KCTD5: variants seen among roughly 807,000 people sequenced by gnomAD.
The protein encoded by KCTD5 is BTB/POZ domain-containing protein KCTD5.
A neutral mutation model predicts 27.9 loss-of-function variants in KCTD5; 12 were observed. That is an observed-to-expected ratio of 0.43 (90% CI 0.28 to 0.70). The LOEUF (loss-of-function observed/expected upper bound fraction) is 0.70. Ranked by LOEUF, KCTD5 falls within the 30% of genes least tolerant of loss-of-function variation. The probability of loss-of-function intolerance (pLI) is 0.19; values close to 1 mark genes in which losing one functional copy is unlikely to be tolerated. For synonymous variants in KCTD5, 147 were observed against 121.4 expected (o/e 1.21, Z -1.39); for missense variants, 226 against 274.8 (o/e 0.82, Z 1.26).
intron 1 of KCTD5, among the ~76,000 whole-genome samples, chr16:2,687,119 C>T (rs1340586253): frequency 6.6e-6 from 1 of 152,196 alleles, no homozygotes; most frequent in East Asian, 1.9e-4. Flanking sequence ...AGGTGCTGGT[C>T]CTCAGCAAAC....
At chr16:2,688,228 A>AATAAATATAT (rs1555454256) in intron 1 of KCTD5, among the ~76,000 whole-genome samples, 1 of 84,630 alleles carries the variant, frequency 1.2e-5, no homozygotes, top group African/African-American at 4.1e-5. Context: ...TAAATAAATA[A>AATAAATATAT]ATATATATAT....
intron 1 of KCTD5, among the ~76,000 whole-genome samples, chr16:2,690,483 A>T (rs1346097718): frequency 6.6e-6 from 1 of 152,248 alleles, no homozygotes; most frequent in African/African-American, 2.4e-5. Flanking sequence ...GGGGAAGATG[A>T]GGGAAATGAC....
chr16:2,690,276 T>C (rs1330617948), intron 1 of KCTD5, among the ~76,000 whole-genome samples: 1 of 152,240 alleles, frequency 6.6e-6, no homozygotes, highest in African/African-American at 2.4e-5. Flanking sequence ...GGCTCGGCGC[T>C]GTCTGCCATG....
rs1283121081 is a variant in KCTD5 at position 2,687,459 on chromosome 16, G to T, written c.252+4659G>T. ...GCCTTCAGTGGCTGTCGTCCAGCAGGGCAGTGACTAGTCTTGGTTTAGAGC... is the reference window on the plus strand; with the variant it reads ...GCCTTCAGTGGCTGTCGTCCAGCAGTGCAGTGACTAGTCTTGGTTTAGAGC... On this transcript the variant is annotated intron_variant, in intron 1 of 5. Transcript: ENST00000301738. Among the ~76,000 whole-genome samples the T allele has an allele frequency of 3.3e-5, 5 of 152,168 alleles. No individual in the cohort carries two copies. The East Asian group carries it at 7.7e-4, about 23-fold the overall frequency.
At position 2,707,541 on chromosome 16, in the gene KCTD5, C is replaced by T; in HGVS notation, c.*214C>T. ...TCCCCAAGTTGGGGGAGCACGGCGG[C>T]CGGGTGGGCGCTGCCTCTTGGGGGG... On this transcript the variant is annotated 3_prime_UTR_variant, in exon 6 of 6. Transcript: ENST00000301738. The T allele has an allele frequency of 1.5e-6, 1 of 665,568 alleles. No individual in the cohort carries two copies. The highest frequency in any genetic ancestry group is 1.6e-5 in the South Asian group (1 of 61,298). 41.2% of individuals were successfully genotyped at this position (665,568 alleles called of 1,614,324 possible).
intron 4 of KCTD5, among the ~76,000 whole-genome samples, chr16:2,702,012 A>C (rs989532255): frequency 4.1e-4 from 61 of 149,776 alleles, no homozygotes; most frequent in African/African-American, 1.4e-3. Flanking sequence ...GCCGCCCTCC[A>C]CTCTCCTCCC....
intron 1 of KCTD5, among the ~76,000 whole-genome samples, chr16:2,693,920 C>G (rs2067578083): frequency 6.8e-6 from 1 of 148,086 alleles, no homozygotes; most frequent in African/African-American, 2.5e-5. Context: ...CTGGAGGCCT[C>G]CATGGCTGAC....
Position 2,702,948 on chromosome 16 carries a change from C to T in KCTD5, c.675+470C>T, listed in dbSNP as rs545178658. The stretch of plus-strand genomic sequence containing the variant: ...GCAGGGGTGGGTACCCTGGCTCAGC[C>T]ACTACGTGGGCCTCATCTTTGTCGA... On this transcript the variant is annotated intron_variant, in intron 5 of 5. Transcript: ENST00000301738. Among the ~76,000 whole-genome samples the T allele has an allele frequency of 2.4e-5, 3 of 123,666 alleles. No homozygotes were observed. In the East Asian group the frequency reaches 6.0e-4, roughly 25 times the overall value. 81.1% of individuals were successfully genotyped at this position (123,666 alleles called of 152,430 possible).
chr16:2,687,093 C>G (rs944342229), intron 1 of KCTD5, among the ~76,000 whole-genome samples: 1 of 152,204 alleles, frequency 6.6e-6, no homozygotes, highest in African/African-American at 2.4e-5. Context: ...GCTCCCCGCT[C>G]CTTCCCCACT....
chr16:2,698,660 C>A (rs770024824), intron 3 of KCTD5, among the ~76,000 whole-genome samples: 1 of 151,250 alleles, frequency 6.6e-6, no homozygotes, highest in Non-Finnish European at 1.5e-5. Flanking sequence ...GCACTGTGGC[C>A]GCGGCTGCCA....
chr16:2,703,472 G>C (rs1490701178), intron 5 of KCTD5, among the ~76,000 whole-genome samples: 1 of 152,188 alleles, frequency 6.6e-6, no homozygotes, highest in Non-Finnish European at 1.5e-5. Context: ...CTTTTAACTG[G>C]TGGCATTAAA....
intron 3 of KCTD5, 73 bp downstream of exon 3, chr16:2,698,070 C>T (rs1369633191): frequency 1.1e-5 from 12 of 1,081,566 alleles, no homozygotes; most frequent in East Asian, 4.9e-5. Context: ...CTCCCCCGAC[C>T]GGCTGCCTCC....
chr16:2,700,561 G>A (rs768651586), intron 4 of KCTD5, among the ~76,000 whole-genome samples: 3 of 152,304 alleles, frequency 2.0e-5, no homozygotes, highest in African/African-American at 4.8e-5. Flanking sequence ...CCTTGCCCAC[G>A]ACCTGGCTGC....
chr16:2,684,783 A>T (rs948356544), intron 1 of KCTD5: 3 of 151,932 alleles, frequency 2.0e-5, no homozygotes, highest in African/African-American at 4.8e-5. Context: ...AAAAATAAAA[A>T]AAAAATAAGC....
chr16:2,699,127 A>G (rs1039720173), intron 3 of KCTD5: 2 of 455,860 alleles, frequency 4.4e-6, no homozygotes. Flanking sequence ...GGACCTCTGA[A>G]CCCCTTCTCA....
At chr16:2,692,631 A>G (rs901473472) in intron 1 of KCTD5, among the ~76,000 whole-genome samples, 1 of 152,192 alleles carries the variant, frequency 6.6e-6, no homozygotes, top group African/African-American at 2.4e-5. Context: ...CGGAAAACGC[A>G]CCACAAGTCC....
rs1473337701 is a variant in KCTD5 at position 2,691,180 on chromosome 16, T to C, written c.253-4755T>C. On this transcript the variant is annotated intron_variant, in intron 1 of 5. Coordinates refer to ENST00000301738, the MANE Select transcript of KCTD5 (RefSeq NM_018992.4). ...CCTGGTTTAAGACCCTGGCACTTCC[T>C]ATGGATGTGGAAATCTCTCATTGAA... 3.9e-5 allele frequency among the ~76,000 whole-genome samples: 6 copies of C among 152,292 alleles called. No homozygotes were observed. In the East Asian group the frequency reaches 1.2e-3, roughly 29 times the overall value.
In KCTD5 at chr16:2,699,856, C is replaced by T; in HGVS notation, c.489C>T (p.Cys163=). ...PVKHVYRVLQ[C]QEEELTQMVS... ...AGCATGTGTACCGTGTGCTGCAGTG[C>T]CAGGAGGAGGAGCTCACGCAGATGG... The change falls in exon 4 of 6, where the codon TGC becomes TGT. Residue 163 remains cysteine, a synonymous_variant. Coordinates refer to ENST00000301738, the MANE Select transcript of KCTD5 (RefSeq NM_018992.4). 6.2e-7 allele frequency: 1 copy of T among 1,613,898 alleles called. No individual in the cohort carries two copies. The highest frequency in any genetic ancestry group is 8.5e-7 in the Non-Finnish European group (1 of 1,179,960).
rs565614465 is a variant in KCTD5 at position 2,704,736 on chromosome 16, C to T, written c.675+2258C>T. Among the ~76,000 whole-genome samples the T allele has an allele frequency of 1.2e-4, 18 of 152,304 alleles. 1 individual carries two copies. In the South Asian group the frequency reaches 2.3e-3, roughly 19 times the overall value. ...TCCACCGCCTGCCCCCGTGGCTGATCCCTCCTGTGACCCAGGGCCCCACCC... is the reference window on the plus strand; with the variant it reads ...TCCACCGCCTGCCCCCGTGGCTGATTCCTCCTGTGACCCAGGGCCCCACCC... On this transcript the variant is annotated intron_variant, in intron 5 of 5. Transcript: ENST00000301738.
Sources: allele counts gnomAD v4.1 joint callset (sites outside exome capture counted in the v4.1 genomes callset), GRCh38; gene constraint gnomAD v4.1.1; transcripts MANE v1.5; gene names NCBI Gene and HGNC (gene_info 2026-07-23, HGNC 2026-07-21).